PPM1A: variants seen among roughly 807,000 people sequenced by gnomAD.
The protein encoded by PPM1A is protein phosphatase 1A.
PPM1A carries 7 observed loss-of-function variants against 35.0 expected under a neutral mutation model. That is an observed-to-expected ratio of 0.20 (90% CI 0.11 to 0.38). PPM1A has a LOEUF of 0.38. Among genes scored for constraint, PPM1A ranks in the 10% least tolerant of loss-of-function variants. The pLI is 1.00. For synonymous variants in PPM1A, 153 were observed against 167.3 expected (o/e 0.91, Z 0.66); for missense variants, 239 against 467.8 (o/e 0.51, Z 4.51).
At chr14:60,268,090 C>T (rs1051667188) in intron 1 of PPM1A, among the ~76,000 whole-genome samples, 3 of 152,074 alleles carry the variant, frequency 2.0e-5, no homozygotes, top group African/African-American at 7.2e-5. Flanking sequence ...CCAGTAATGT[C>T]CTTTATAACA....
At chr14:60,271,755 C>T (rs769134795) in intron 1 of PPM1A, among the ~76,000 whole-genome samples, 2 of 151,332 alleles carry the variant, frequency 1.3e-5, no homozygotes, top group Non-Finnish European at 2.9e-5. Context: ...TTGTGTGTCT[C>T]TTATAATCTT....
At position 60,293,534 on chromosome 14, in the gene PPM1A, G is replaced by T. The variant is rs891086154; in HGVS notation, c.*1052G>T. Reference sequence around the variant, plus strand: ...AGACTAAAAGATTTAATTCTTGGTTGTACCTTAATCTATTTTTTAAATAGG... The same window carrying T: ...AGACTAAAAGATTTAATTCTTGGTTTTACCTTAATCTATTTTTTAAATAGG... On this transcript the variant is annotated 3_prime_UTR_variant, in exon 6 of 6. Transcript: ENST00000395076. This position sits in a 1 kb window ranked among gnomAD's most constrained non-coding sequence, Gnocchi z 4.0. 4 of 151,940 alleles carry T rather than the reference G, an allele frequency of 2.6e-5. No homozygotes were observed. The highest frequency in any genetic ancestry group is 4.8e-5 in the African/African-American group (2 of 41,414). 9.4% of individuals were successfully genotyped at this position (151,940 alleles called of 1,614,324 possible).
chr14:60,267,963 C>T (rs1052892498), intron 1 of PPM1A, among the ~76,000 whole-genome samples: 1 of 152,082 alleles, frequency 6.6e-6, no homozygotes, highest in Non-Finnish European at 1.5e-5. Context: ...CCCCTAAGAA[C>T]AAGGACTATC....
intron 1 of PPM1A, among the ~76,000 whole-genome samples, chr14:60,276,124 A>G (rs1228548830): frequency 6.6e-6 from 1 of 152,148 alleles, no homozygotes; most frequent in East Asian, 1.9e-4. Context: ...TCAGCTGACC[A>G]TTTGTCCTTA....
At chr14:60,276,828 CTACTA>C (rs1366085968) in intron 1 of PPM1A, among the ~76,000 whole-genome samples, 1 of 152,078 alleles carries the variant, frequency 6.6e-6, no homozygotes, top group African/African-American at 2.4e-5. Context: ...GTTCAAGACT[CTACTA>C]TGAGTTCACC....
Position 60,292,209 on chromosome 14 carries a change from AGCC to A in PPM1A, c.1120-243_1120-241del, listed in dbSNP as rs1887701391. Among the ~76,000 whole-genome samples the A allele has an allele frequency of 6.6e-6, 1 of 152,178 alleles. No individual in the cohort carries two copies. Among genetic ancestry groups the A allele is most frequent in the Non-Finnish European group, 1.5e-5 (1 of 68,012 alleles). ...TATTGATTGAGTAATACATTTGGAC[AGCC>A]TCATCATAAAACCGCATTTCAAATA... On this transcript the variant is annotated intron_variant, in intron 5 of 5. Transcript: ENST00000395076. The surrounding 1 kb of genome is among the most constrained non-coding windows in gnomAD (Gnocchi z 4.2).
chr14:60,274,361 A>T (rs1885502933), intron 1 of PPM1A, among the ~76,000 whole-genome samples: 1 of 152,060 alleles, frequency 6.6e-6, no homozygotes, highest in South Asian at 2.1e-4. Flanking sequence ...CATTTTTTTT[A>T]AGAAGTTTAA....
chr14:60,287,760 T>C (rs898928103), intron 3 of PPM1A: 1 of 982,292 alleles, frequency 1.0e-6, no homozygotes, highest in Non-Finnish European at 1.2e-6. Flanking sequence ...CAGCTCATAA[T>C]TTATACTACT....
intron 1 of PPM1A, among the ~76,000 whole-genome samples, chr14:60,276,351 A>G (rs1442659628): frequency 6.6e-6 from 1 of 151,408 alleles, no homozygotes; most frequent in Non-Finnish European, 1.5e-5. Flanking sequence ...TTCTCTTTGG[A>G]TTTCCCTTCA....
At chr14:60,256,770 C>G (rs1322656945) in intron 1 of PPM1A, 1 of 152,162 alleles carries the variant, frequency 6.6e-6, no homozygotes, top group Non-Finnish European at 1.5e-5. Flanking sequence ...AGTTATTTGC[C>G]AAGAGTTTCA....
chr14:60,284,408 G>C (rs1886721049), intron 2 of PPM1A, among the ~76,000 whole-genome samples: 1 of 152,126 alleles, frequency 6.6e-6, no homozygotes, highest in Non-Finnish European at 1.5e-5. Context: ...TTGGGAGGCC[G>C]AGGTGGGCGG....
intron 1 of PPM1A, among the ~76,000 whole-genome samples, chr14:60,272,222 G>A (rs1885215083): frequency 1.3e-5 from 2 of 151,916 alleles, no homozygotes; most frequent in Admixed American, 6.6e-5. Context: ...TTTAAATCAT[G>A]TTATTAGAGT....
chr14:60,273,825 T>C lies in PPM1A; in HGVS notation c.-20-8859T>C, dbSNP rs1885437966. ...ATGAGGTAGAGAGAGGTATCAAAGA[T>C]ATCCTTAGTTTCTGTTTCTTTTTCT... On this transcript the variant is annotated intron_variant, in intron 1 of 5. Transcript: ENST00000395076. The surrounding 1 kb of genome is among the most constrained non-coding windows in gnomAD (Gnocchi z 4.3). 6.6e-6 allele frequency among the ~76,000 whole-genome samples: 1 copy of C among 152,170 alleles called. No homozygotes were observed. The highest frequency in any genetic ancestry group is 1.5e-5 in the Non-Finnish European group (1 of 68,024).
At chr14:60,279,177 G>A (rs1164992063) in intron 1 of PPM1A, among the ~76,000 whole-genome samples, 1 of 152,180 alleles carries the variant, frequency 6.6e-6, no homozygotes, top group Non-Finnish European at 1.5e-5. Flanking sequence ...AGAGTGCAAT[G>A]GCATGATCTT....
chr14:60,258,657 C>A (rs1319676092), intron 1 of PPM1A, among the ~76,000 whole-genome samples: 1 of 152,034 alleles, frequency 6.6e-6, no homozygotes, highest in Non-Finnish European at 1.5e-5. Context: ...TAAAAGACAA[C>A]CATGTATTCT....
At chr14:60,262,546 C>T (rs1163789532) in intron 1 of PPM1A, among the ~76,000 whole-genome samples, 1 of 152,070 alleles carries the variant, frequency 6.6e-6, no homozygotes, top group African/African-American at 2.4e-5. Flanking sequence ...ATTAGCTGGA[C>T]GTGGTGGCAC....
At chr14:60,247,116 T>A (rs1299552557), upstream of PPM1A, among the ~76,000 whole-genome samples, 2 of 152,210 alleles carry the variant, frequency 1.3e-5, no homozygotes, top group African/African-American at 4.8e-5. Flanking sequence ...TTCAGAATGT[T>A]AATGAGTCCA....
chr14:60,258,734 A>C (rs762133886), intron 1 of PPM1A, among the ~76,000 whole-genome samples: 9 of 152,100 alleles, frequency 5.9e-5, no homozygotes, highest in Non-Finnish European at 1.2e-4. Flanking sequence ...TTTTTCCTGC[A>C]TAGAAGATAA....
chr14:60,268,335 T>C (rs1203417476), intron 1 of PPM1A: 18 of 980,468 alleles, frequency 1.8e-5, no homozygotes, highest in Non-Finnish European at 2.2e-5. Context: ...AAAAAAAAAT[T>C]TGTTTTCCGA....
Sources: gnomAD v4.1 joint callset for allele counts (sites outside exome capture counted in the v4.1 genomes callset) on GRCh38, gnomAD v4.1.1 for gene constraint, Gnocchi (gnomAD v3.1) non-coding constraint, MANE v1.5 for transcripts, NCBI Gene and HGNC (gene_info 2026-07-23, HGNC 2026-07-21) for gene names.